Variants in STX8 observed in about 807,000 individuals in gnomAD.
The protein encoded by STX8 is syntaxin 8, also known as syntaxin-8.
Under a neutral mutation model 37.5 loss-of-function variants are expected in STX8, and 23 were observed. The ratio of observed to expected loss-of-function variants is 0.61; its 90% CI spans 0.44 to 0.87. The LOEUF is 0.87. Among genes scored for constraint, STX8 ranks in the 40% least tolerant of loss-of-function variants. The pLI is 0.00. For synonymous variants in STX8, 115 were observed against 99.1 expected (o/e 1.16, Z -0.95); for missense variants, 313 against 284.7 (o/e 1.10, Z -0.71).
In STX8 at chr17:9,541,503, A is replaced by T. The variant is rs1186759050; in HGVS notation, c.323+3669T>A. Among the ~76,000 whole-genome samples the T allele has an allele frequency of 2.6e-5, 4 of 152,316 alleles. No homozygotes were observed. The East Asian group carries it at 7.7e-4, about 29-fold the overall frequency. The stretch of plus-strand genomic sequence containing the variant: ...TTTATAAAGGTCTTAGAGTTTACAA[A>T]GCCTGTCTCATAGCAATCACTTCAT... On this transcript the variant is annotated intron_variant, in intron 4 of 7. Coordinates refer to ENST00000306357, the MANE Select transcript of STX8 (RefSeq NM_004853.3).
At chr17:9,301,036 G>A (rs1339343951) in intron 7 of STX8, among the ~76,000 whole-genome samples, 1 of 151,778 alleles carries the variant, frequency 6.6e-6, no homozygotes, top group Non-Finnish European at 1.5e-5. Context: ...GTTTCACTGT[G>A]TTAGCCACAA....
At chr17:9,259,272 C>G (rs948650004) in intron 7 of STX8, among the ~76,000 whole-genome samples, 2 of 152,194 alleles carry the variant, frequency 1.3e-5, no homozygotes, top group African/African-American at 4.8e-5. Context: ...TAGAACATAA[C>G]TGGCACTCAA....
At chr17:9,431,922 G>A (rs1913999609) in intron 6 of STX8, among the ~76,000 whole-genome samples, 1 of 152,086 alleles carries the variant, frequency 6.6e-6, no homozygotes, top group African/African-American at 2.4e-5. Flanking sequence ...ATTTTGTAAT[G>A]CTGTGACTAT....
intron 6 of STX8, among the ~76,000 whole-genome samples, chr17:9,458,341 G>A (rs1457011051): frequency 1.3e-5 from 2 of 152,066 alleles, no homozygotes; most frequent in Non-Finnish European, 2.9e-5. Flanking sequence ...AGTAGAGATG[G>A]GGTTTCACCG....
intron 7 of STX8, among the ~76,000 whole-genome samples, chr17:9,262,684 C>A (rs1348751187): frequency 6.6e-6 from 1 of 151,956 alleles, no homozygotes; most frequent in Non-Finnish European, 1.5e-5. Context: ...CAGGTTCAAG[C>A]AATTCTCCTG....
At chr17:9,317,448 T>C (rs2142199560) in intron 7 of STX8, among the ~76,000 whole-genome samples, 2 of 152,176 alleles carry the variant, frequency 1.3e-5, no homozygotes, top group East Asian at 1.9e-4. Context: ...GCCAGGCAAA[T>C]AAGTGTCTTA....
intron 7 of STX8, among the ~76,000 whole-genome samples, chr17:9,271,752 A>G (rs1403286750): frequency 6.6e-6 from 1 of 150,906 alleles, no homozygotes; most frequent in South Asian, 2.1e-4. Context: ...CCATCTCAAA[A>G]AAAAAAAAAA....
At chr17:9,433,325 T>A (rs1914041328) in intron 6 of STX8, among the ~76,000 whole-genome samples, 1 of 152,140 alleles carries the variant, frequency 6.6e-6, no homozygotes, top group Admixed American at 6.6e-5. Context: ...AAAACGGAAA[T>A]AGTAATTTCC....
chr17:9,278,872 G>T (rs1034944753), intron 7 of STX8, among the ~76,000 whole-genome samples: 4 of 152,020 alleles, frequency 2.6e-5, no homozygotes, highest in Admixed American at 2.6e-4. Flanking sequence ...GGCACTGGAA[G>T]GGAGGACTCT....
At chr17:9,330,990 G>A (rs534832970) in intron 7 of STX8, among the ~76,000 whole-genome samples, 75 of 152,136 alleles carry the variant, frequency 4.9e-4, no homozygotes, top group Non-Finnish European at 7.9e-4. Flanking sequence ...GGCCTCCGGC[G>A]CCAACTCTTC....
At chr17:9,313,669 C>T (rs1441379234) in intron 7 of STX8, among the ~76,000 whole-genome samples, 1 of 152,226 alleles carries the variant, frequency 6.6e-6, no homozygotes, top group African/African-American at 2.4e-5. Flanking sequence ...TTCTGTCGCC[C>T]AGGCTGGAGT....
At chr17:9,267,935 G>A (rs925346547) in intron 7 of STX8, among the ~76,000 whole-genome samples, 2 of 150,268 alleles carry the variant, frequency 1.3e-5, no homozygotes, top group Admixed American at 1.3e-4. Context: ...AGGTTGCAGT[G>A]AGCTGAGATC....
At position 9,267,555 on chromosome 17, in the gene STX8, C is replaced by G. The variant is rs1907274695; in HGVS notation, c.644-16910G>C. ...CCTCCTGCCATCGGGCGCAACTACT[C>G]TCAGTACAACCAAACATGGCTGCCA... On this transcript the variant is annotated intron_variant, in intron 7 of 7. Coordinates refer to ENST00000306357, the MANE Select transcript of STX8 (RefSeq NM_004853.3). 1.3e-5 allele frequency among the ~76,000 whole-genome samples: 2 copies of G among 152,226 alleles called. 1 individual carries two copies. The highest frequency in any genetic ancestry group is 1.3e-4 in the Admixed American group (2 of 15,276).
intron 6 of STX8, among the ~76,000 whole-genome samples, chr17:9,435,118 C>T (rs1904384549): frequency 6.6e-6 from 1 of 152,070 alleles, no homozygotes; most frequent in South Asian, 2.1e-4. Context: ...TACCTCATAA[C>T]CTTGAAAATA....
chr17:9,395,778 CT>C (rs1912379465), intron 6 of STX8, among the ~76,000 whole-genome samples: 1 of 152,210 alleles, frequency 6.6e-6, no homozygotes, highest in African/African-American at 2.4e-5. Context: ...CCAAAAATGA[CT>C]AAGATCCAAG....
chr17:9,253,599 A>G (rs1238970276), intron 7 of STX8, among the ~76,000 whole-genome samples: 3 of 152,174 alleles, frequency 2.0e-5, no homozygotes, highest in African/African-American at 7.2e-5. Context: ...GCCTGGGCTC[A>G]CCCTAAGATG....
intron 6 of STX8, among the ~76,000 whole-genome samples, chr17:9,488,950 C>T (rs182284862): frequency 2.6e-5 from 4 of 152,252 alleles, no homozygotes; most frequent in African/African-American, 9.6e-5. Context: ...AATCTCAGCT[C>T]ACTGCAACCC....
At chr17:9,441,221 G>A (rs1020897344) in intron 6 of STX8, among the ~76,000 whole-genome samples, 2 of 152,106 alleles carry the variant, frequency 1.3e-5, no homozygotes, top group South Asian at 4.2e-4. Context: ...GCTGGGCACG[G>A]TGGCTCACAC....
chr17:9,258,665 G>A (rs1049968116), intron 7 of STX8, among the ~76,000 whole-genome samples: 3 of 152,220 alleles, frequency 2.0e-5, no homozygotes, highest in Admixed American at 6.5e-5. Context: ...TTAAAACACT[G>A]GGCAAAAGTC....
Sources: gnomAD v4.1 joint callset for allele counts (sites outside exome capture counted in the v4.1 genomes callset) on GRCh38, gnomAD v4.1.1 for gene constraint, MANE v1.5 for transcripts, NCBI Gene and HGNC (gene_info 2026-07-23, HGNC 2026-07-21) for gene names.